TMEM132C: variants seen among roughly 807,000 people sequenced by gnomAD.
The protein encoded by TMEM132C is protein phosphatase 1, regulatory subunit 152.
Under a neutral mutation model 61.4 loss-of-function variants are expected in TMEM132C, and 29 were observed. That is an observed-to-expected ratio of 0.47 (90% CI 0.35 to 0.64). The LOEUF (loss-of-function observed/expected upper bound fraction) is 0.64. TMEM132C is among the 30% of genes least tolerant of loss of function. The pLI, the probability that TMEM132C is intolerant of heterozygous loss-of-function variation, is 0.00. For missense variants in TMEM132C, 1,408 were observed against 1,476.9 expected (o/e 0.95, Z 0.76); for synonymous variants, 656 against 633.1 (o/e 1.04, Z -0.54).
At chr12:128,705,059 G>C in intron 8 of TMEM132C, 31 bp from the exon 9 acceptor site, 2 of 1,490,732 alleles carry the variant, frequency 1.3e-6, no homozygotes, top group Non-Finnish European at 1.8e-6. Flanking sequence ...GCATCCCCCA[G>C]GTGGTCTTCT....
chr12:128,270,864 C>A (rs1045575674), intron 1 of TMEM132C, among the ~76,000 whole-genome samples: 1 of 152,164 alleles, frequency 6.6e-6, no homozygotes, highest in Non-Finnish European at 1.5e-5. Flanking sequence ...CTTCTATACC[C>A]AAATTTCTTT....
chr12:128,679,872 T>A (rs1421932125), intron 5 of TMEM132C, among the ~76,000 whole-genome samples: 1 of 152,152 alleles, frequency 6.6e-6, no homozygotes, highest in Non-Finnish European at 1.5e-5. Context: ...AGGAGAGGAT[T>A]CACAGGGCTA....
intron 3 of TMEM132C, among the ~76,000 whole-genome samples, chr12:128,547,943 G>A (rs1398042431): frequency 6.6e-6 from 1 of 152,126 alleles, no homozygotes; most frequent in Non-Finnish European, 1.5e-5. Context: ...TTCAGAGCAT[G>A]CCCCCTGGCC....
At chr12:128,581,715 G>A (rs563069927) in intron 3 of TMEM132C, among the ~76,000 whole-genome samples, 3 of 152,320 alleles carry the variant, frequency 2.0e-5, no homozygotes, top group African/African-American at 7.2e-5. Flanking sequence ...AGCTCGAGGG[G>A]GCTCTGGTTC....
intron 2 of TMEM132C, among the ~76,000 whole-genome samples, chr12:128,512,316 A>T (rs975871253): frequency 6.6e-6 from 1 of 152,126 alleles, no homozygotes; most frequent in African/African-American, 2.4e-5. Flanking sequence ...ATAAGCAAGT[A>T]TGATAATATT....
At chr12:128,393,443 G>T (rs1874836564) in intron 1 of TMEM132C, among the ~76,000 whole-genome samples, 1 of 152,134 alleles carries the variant, frequency 6.6e-6, no homozygotes, top group South Asian at 2.1e-4. Flanking sequence ...ACCACCACAA[G>T]CTCATGAATT....
intron 5 of TMEM132C, among the ~76,000 whole-genome samples, chr12:128,690,743 C>A (rs1954713757): frequency 6.6e-6 from 1 of 152,144 alleles, no homozygotes; most frequent in Non-Finnish European, 1.5e-5. Context: ...CATTTTTAAA[C>A]CACTCTTGAC....
chr12:128,519,349 A>G (rs1872822634), intron 2 of TMEM132C, among the ~76,000 whole-genome samples: 1 of 152,244 alleles, frequency 6.6e-6, no homozygotes, highest in African/African-American at 2.4e-5. Context: ...CAAGACAGCA[A>G]GTGTAAACTA....
Position 128,686,679 on chromosome 12 carries a change from A to G in TMEM132C, c.1450-7150A>G, listed in dbSNP as rs150396084. 8.0e-3 allele frequency among the ~76,000 whole-genome samples: 1,216 copies of G among 152,264 alleles called. 16 individuals carry two copies. The highest frequency in any genetic ancestry group is 0.028 in the African/African-American group (1,162 of 41,518). On this transcript the variant is annotated intron_variant, in intron 5 of 8. Transcript: ENST00000435159. ...CTCTGATTCATTCATTCATTCTTCA[A>G]CACGTACTTATTGAGCATCCACTGT...
At chr12:128,338,355 G>C (rs1709706) in intron 1 of TMEM132C, among the ~76,000 whole-genome samples, 31,366 of 152,132 alleles carry the variant, frequency 0.21, 8,034 homozygotes, top group African/African-American at 0.61. Context: ...AATCAATTGC[G>C]AGTGCTGTCA....
chr12:128,371,442 A>C (rs560796777), intron 1 of TMEM132C, among the ~76,000 whole-genome samples: 2 of 152,218 alleles, frequency 1.3e-5, no homozygotes, highest in South Asian at 4.1e-4. Flanking sequence ...CAGAGCCAAC[A>C]GACTCATCTT....
At chr12:128,701,325 C>T (rs1027817692) in intron 8 of TMEM132C, among the ~76,000 whole-genome samples, 5 of 152,082 alleles carry the variant, frequency 3.3e-5, no homozygotes, top group Non-Finnish European at 7.4e-5. Context: ...AAGAGAACTC[C>T]ACACCCTCCT....
chr12:128,679,337 C>T (rs1486886916), intron 5 of TMEM132C, among the ~76,000 whole-genome samples: 3 of 152,238 alleles, frequency 2.0e-5, no homozygotes, highest in East Asian at 1.9e-4. Flanking sequence ...AACAACCTGA[C>T]ATCTCAGTAA....
chr12:128,607,292 G>T (rs1876463566), intron 3 of TMEM132C, among the ~76,000 whole-genome samples: 1 of 152,220 alleles, frequency 6.6e-6, no homozygotes, highest in Non-Finnish European at 1.5e-5. Context: ...GAGAGTCCCA[G>T]GGGTGAGGGT....
At chr12:128,273,851 A>G (rs1057263515) in intron 1 of TMEM132C, among the ~76,000 whole-genome samples, 1 of 152,236 alleles carries the variant, frequency 6.6e-6, no homozygotes, top group African/African-American at 2.4e-5. Context: ...GTTTTCAAGT[A>G]CATGCACTCA....
chr12:128,308,818 G>C (rs571041443), intron 1 of TMEM132C, among the ~76,000 whole-genome samples: 23 of 152,286 alleles, frequency 1.5e-4, no homozygotes, highest in African/African-American at 4.8e-4. Flanking sequence ...AAATCTTCTG[G>C]TCCCATCACC....
chr12:128,472,639 G>A (rs962711582), intron 2 of TMEM132C, among the ~76,000 whole-genome samples: 2 of 152,190 alleles, frequency 1.3e-5, no homozygotes, highest in African/African-American at 4.8e-5. Flanking sequence ...AATTCCAAGG[G>A]GAGATAATAT....
chr12:128,686,203 T>C (rs184413777), intron 5 of TMEM132C, among the ~76,000 whole-genome samples: 25 of 152,298 alleles, frequency 1.6e-4, no homozygotes. Context: ...CAGTTACCCC[T>C]GAGTTTTCCC....
chr12:128,512,543 A>T (rs1367342686), intron 2 of TMEM132C, among the ~76,000 whole-genome samples: 1 of 152,206 alleles, frequency 6.6e-6, no homozygotes, highest in African/African-American at 2.4e-5. Flanking sequence ...GTCTGTTATT[A>T]AAAAGAATGC....
Sources: gnomAD v4.1 joint callset for allele counts (sites outside exome capture counted in the v4.1 genomes callset) on GRCh38, gnomAD v4.1.1 for gene constraint, MANE v1.5 for transcripts, NCBI Gene and HGNC (gene_info 2026-07-23, HGNC 2026-07-21) for gene names.